MLLT10: variants seen among roughly 807,000 people sequenced by gnomAD.
The protein encoded by MLLT10 is MLLT10 histone lysine methyltransferase DOT1L cofactor, also known as protein AF-10.
A neutral mutation model predicts 129.1 loss-of-function variants in MLLT10; 30 were observed. The observed-to-expected ratio is 0.23, with a 90% confidence interval of 0.17 to 0.32. The LOEUF is 0.32. Ranked by LOEUF, MLLT10 falls within the 10% of genes least tolerant of loss-of-function variation. MLLT10 has a pLI of 1.00. For synonymous variants in MLLT10, 490 were observed against 446.4 expected (o/e 1.10, Z -1.23); for missense variants, 1,119 against 1,268.3 (o/e 0.88, Z 1.79).
chr10:21,666,985 C>A (rs886420578), intron 9 of MLLT10, among the ~76,000 whole-genome samples: 8 of 152,016 alleles, frequency 5.3e-5, no homozygotes, highest in Non-Finnish European at 1.0e-4. Flanking sequence ...TGAAATAGTT[C>A]TTTTAGCATT....
intron 8 of MLLT10, among the ~76,000 whole-genome samples, chr10:21,622,755 A>T (rs2046014874): frequency 6.6e-6 from 1 of 152,212 alleles, no homozygotes; most frequent in African/African-American, 2.4e-5. Context: ...TTCTCTGTGG[A>T]CACCAAGTGG....
At position 21,627,177 on chromosome 10, in the gene MLLT10, G is replaced by T. The variant is rs567381998; in HGVS notation, c.699+9970G>T. 2.6e-5 allele frequency among the ~76,000 whole-genome samples: 4 copies of T among 151,738 alleles called. No homozygotes were observed. In the East Asian group the frequency reaches 7.8e-4, roughly 29 times the overall value. The stretch of plus-strand genomic sequence containing the variant: ...CCATATTAATGTTACCATGTCCTTC[G>T]CTCTACCCTCCTTTGCTATCTCTCT... On this transcript the variant is annotated intron_variant, in intron 8 of 22. Transcript: ENST00000307729.
At chr10:21,692,168 G>A (rs2053923199) in intron 13 of MLLT10, among the ~76,000 whole-genome samples, 1 of 151,658 alleles carries the variant, frequency 6.6e-6, no homozygotes, top group Admixed American at 6.6e-5. Context: ...ATGAGACCCT[G>A]TCTTAGAAAA....
chr10:21,644,758 G>A (rs2048327650), intron 8 of MLLT10, among the ~76,000 whole-genome samples: 1 of 151,952 alleles, frequency 6.6e-6, no homozygotes, highest in Non-Finnish European at 1.5e-5. Context: ...CAACCTCCCA[G>A]TAGCTAAGAC....
chr10:21,691,235 G>A (rs1433641293), intron 13 of MLLT10, among the ~76,000 whole-genome samples: 1 of 151,962 alleles, frequency 6.6e-6, no homozygotes, highest in Non-Finnish European at 1.5e-5. Context: ...TCCTGCATTT[G>A]CAGAAACTAT....
intron 3 of MLLT10, among the ~76,000 whole-genome samples, chr10:21,582,664 T>C (rs537376355): frequency 1.3e-5 from 2 of 151,866 alleles, no homozygotes; most frequent in African/African-American, 2.4e-5. Context: ...ATAGTGGAGA[T>C]GGAGAGAGAG....
rs753902592 is a variant in MLLT10, at chr10:21,582,040, GGTT to G, written c.241-4247_241-4245del. 5.3e-5 allele frequency among the ~76,000 whole-genome samples: 8 copies of G among 151,892 alleles called. No individual in the cohort carries two copies. The Middle Eastern group carries it at 0.01, about 194-fold the overall frequency. On this transcript the variant is annotated intron_variant, in intron 3 of 22. Coordinates refer to ENST00000307729, the MANE Select transcript of MLLT10 (RefSeq NM_001195626.3). ...CTCATGGGACCACCACTGTATATGT[GGTT>G]GTTGTTATGCAGACTGCATTTTGAG... is the stretch of plus-strand genomic sequence containing the variant.
chr10:21,644,284 TAC>T (rs1406773395), intron 8 of MLLT10, among the ~76,000 whole-genome samples: 1 of 152,226 alleles, frequency 6.6e-6, no homozygotes, highest in African/African-American at 2.4e-5. Context: ...TTCTTTGCCA[TAC>T]AGTTTTTAAA....
intron 13 of MLLT10, among the ~76,000 whole-genome samples, chr10:21,711,285 T>G (rs1323779963): frequency 1.3e-5 from 2 of 151,916 alleles, no homozygotes. Context: ...TAGCTGAGTG[T>G]GATGGCACGT....
At chr10:21,712,967 C>T (rs1194288451) in intron 13 of MLLT10, among the ~76,000 whole-genome samples, 1 of 152,116 alleles carries the variant, frequency 6.6e-6, no homozygotes, top group African/African-American at 2.4e-5. Flanking sequence ...CTCATCCTCC[C>T]ACCCTCTTTT....
intron 3 of MLLT10, among the ~76,000 whole-genome samples, chr10:21,577,663 G>A (rs954014293): frequency 7.9e-5 from 12 of 151,762 alleles, no homozygotes; most frequent in Non-Finnish European, 1.2e-4. Flanking sequence ...TAGAGATGGG[G>A]TTTCACTATA....
chr10:21,615,117 G>T (rs886671239), intron 7 of MLLT10, among the ~76,000 whole-genome samples, 193 bp downstream of exon 7: 2 of 151,974 alleles, frequency 1.3e-5, no homozygotes, highest in Admixed American at 1.3e-4. Context: ...GCTTGCTTCG[G>T]TGTATTTGTA....
chr10:21,552,680 C>G (rs2037279901), intron 3 of MLLT10, among the ~76,000 whole-genome samples: 1 of 152,162 alleles, frequency 6.6e-6, no homozygotes, highest in Non-Finnish European at 1.5e-5. Flanking sequence ...GCGTGAGCCA[C>G]CATGCCCGGC....
chr10:21,710,531 T>A (rs1262020144), intron 13 of MLLT10, among the ~76,000 whole-genome samples: 1 of 152,184 alleles, frequency 6.6e-6, no homozygotes, highest in Non-Finnish European at 1.5e-5. Context: ...AGTAAGTATT[T>A]TTAGTTTGCA....
chr10:21,711,899 G>T (rs1161884196), intron 13 of MLLT10, among the ~76,000 whole-genome samples: 1 of 152,138 alleles, frequency 6.6e-6, no homozygotes, highest in Non-Finnish European at 1.5e-5. Flanking sequence ...CTGTCATAGT[G>T]CTCTCCACAA....
intron 22 of MLLT10, among the ~76,000 whole-genome samples, chr10:21,741,105 C>T (rs137946845): frequency 3.3e-5 from 5 of 152,322 alleles, no homozygotes; most frequent in African/African-American, 9.6e-5. Context: ...TACTTAGTAA[C>T]GAGAATTATT....
rs1343170893 is a variant in MLLT10, at chr10:21,704,357, C to CTCTA, written c.1700-9414_1700-9413insCTAT. On this transcript the variant is annotated intron_variant, in intron 13 of 22. Coordinates refer to ENST00000307729, the MANE Select transcript of MLLT10 (RefSeq NM_001195626.3). ...TCTCTCTCTCTCTCTCTCTCTCTCT[C>CTCTA]TATATATATATATATATATATATAT... Among the ~76,000 whole-genome samples the CTCTA allele has an allele frequency of 3.5e-3, 392 of 111,838 alleles. 2 individuals carry two copies. Among genetic ancestry groups the CTCTA allele is most frequent in the African/African-American group, 0.011 (304 of 27,588 alleles). 73.4% of individuals were successfully genotyped at this position (111,838 alleles called of 152,430 possible).
intron 8 of MLLT10, among the ~76,000 whole-genome samples, chr10:21,633,979 A>C (rs2047230507): frequency 6.6e-6 from 1 of 152,064 alleles, no homozygotes; most frequent in Admixed American, 6.6e-5. Flanking sequence ...CCTTTAATCT[A>C]AAATAGTCCC....
intron 3 of MLLT10, among the ~76,000 whole-genome samples, chr10:21,566,364 T>C (rs2039567247): frequency 6.8e-6 from 1 of 147,728 alleles, no homozygotes; most frequent in Non-Finnish European, 1.5e-5. Context: ...AAAGTCTTAC[T>C]CTTGCCCAGG....
Sources: allele counts gnomAD v4.1 joint callset (sites outside exome capture counted in the v4.1 genomes callset), GRCh38; gene constraint gnomAD v4.1.1; transcripts MANE v1.5; gene names NCBI Gene and HGNC (gene_info 2026-07-23, HGNC 2026-07-21).